Variants in ARHGAP23 observed in about 807,000 individuals in gnomAD.
ARHGAP23 encodes the protein Rho GTPase activating protein 23.
A neutral mutation model predicts 136.3 loss-of-function variants in ARHGAP23; 34 were observed. The observed-to-expected ratio is 0.25, with a 90% CI of 0.19 to 0.33. ARHGAP23 has a LOEUF of 0.33. ARHGAP23 is among the 10% of genes least tolerant of loss of function. The pLI is 1.00. For missense variants in ARHGAP23, 1,808 were observed against 2,139.0 expected (o/e 0.85, Z 3.05); for synonymous variants, 832 against 920.5 (o/e 0.90, Z 1.74).
In ARHGAP23 at chr17:38,466,548, TCA is replaced by T; in HGVS notation, c.869_870del (p.His290LeufsTer63). The part of the protein sequence containing the change: ...PSRLECQQAL[S>X]HWLSNQVPRR... ...CAGACTGGAGTGCCAGCAGGCCTTG[TCA>T]CACTGGCTGTCAAACCAGGTACCCC... On this transcript the variant is annotated frameshift_variant, in exon 7 of 24. Transcript: ENST00000622683. LOFTEE classifies it high-confidence loss of function. 1 of 1,477,966 alleles carries T rather than the reference TCA, an allele frequency of 6.8e-7. No homozygotes were observed. The highest frequency in any genetic ancestry group is 8.9e-7 in the Non-Finnish European group (1 of 1,121,036). The allele number at this position is 1,477,966 out of a possible 1,614,324, so 91.6% of individuals were successfully genotyped here. A position where few individuals can be genotyped will look rare whatever the true frequency, so the allele number is the denominator to read the frequency against.
intron 20 of ARHGAP23, among the ~76,000 whole-genome samples, chr17:38,494,869 A>G (rs556125172): frequency 6.6e-6 from 1 of 152,290 alleles, no homozygotes; most frequent in East Asian, 1.9e-4. Context: ...TCCTCTTGAG[A>G]GCCGTGGCCA....
upstream of ARHGAP23, among the ~76,000 whole-genome samples, chr17:38,427,794 G>A (rs1017114742): frequency 6.6e-6 from 1 of 152,180 alleles, no homozygotes; most frequent in African/African-American, 2.4e-5. Flanking sequence ...GGGATCCTGG[G>A]CTGAGACTCT....
chr17:38,491,669 G>A (rs1056909014), intron 20 of ARHGAP23, 137 bp downstream of exon 20: 19 of 1,123,356 alleles, frequency 1.7e-5, no homozygotes, highest in Non-Finnish European at 2.4e-5. Context: ...TGCTAGGGTG[G>A]TATATACTCC....
intron 1 of ARHGAP23, among the ~76,000 whole-genome samples, chr17:38,455,071 C>T (rs974276385): frequency 3.3e-5 from 5 of 152,154 alleles, no homozygotes; most frequent in African/African-American, 1.2e-4. Context: ...GAGCTGTGCA[C>T]CTTTCTAGTT....
At position 38,462,937 on chromosome 17, in the gene ARHGAP23, C is replaced by T; in HGVS notation, c.345C>T (p.Arg115=). The T allele has an allele frequency of 1.3e-6, 2 of 1,543,154 alleles. No homozygotes were observed. Among genetic ancestry groups the T allele is most frequent in the Admixed American group, 2.1e-5 (1 of 47,718 alleles). Residue 115 remains arginine, a synonymous_variant, in exon 4 of 24, where the codon CGC becomes CGT. Coordinates refer to ENST00000622683, the MANE Select transcript of ARHGAP23 (RefSeq NM_001199417.2). ...GCCCTGCCCATAGGGCGGGGCTTCG[C>T]ACAGGTGAGCTGGCCCAGTTACCTG... ...EDGPAHRAGL[R]TGDRLVKVNG... is the part of the protein sequence containing the mutation.
In ARHGAP23 at chr17:38,488,155, G is replaced by A. The variant is rs140517672; in HGVS notation, c.2987-1947G>A. ...ACTCCTGGTCTAAAGTGATCATCGC[G>A]CCTCGGCCTTTCAAAGTGCTGGGAT... On this transcript the variant is annotated intron_variant, in intron 17 of 23. Transcript: ENST00000622683. Among the ~76,000 whole-genome samples the A allele has an allele frequency of 7.3e-3, 1,113 of 152,210 alleles. 18 individuals carry two copies. Among genetic ancestry groups the A allele is most frequent in the African/African-American group, 0.025 (1,020 of 41,538 alleles).
chr17:38,491,625 G>T, intron 20 of ARHGAP23, 93 bp downstream of exon 20: 1 of 1,510,616 alleles, frequency 6.6e-7, no homozygotes, highest in South Asian at 1.2e-5. Flanking sequence ...GGCGGAGTGT[G>T]CCCCAGGAAG....
rs148277132 is a variant in ARHGAP23 at position 38,435,748 on chromosome 17, T to C, written c.63+7200T>C. On this transcript the variant is annotated intron_variant, in intron 1 of 23. Transcript: ENST00000622683. ...CGAGTAGTTGGGATTACAGGCGCCC[T>C]CTACCATGCCCGGCTAATTTTTTTG... Among the ~76,000 whole-genome samples, 443 of 152,252 alleles carry C rather than the reference T, an allele frequency of 2.9e-3. 2 individuals carry two copies. Among genetic ancestry groups the C allele is most frequent in the African/African-American group, 9.7e-3 (405 of 41,552 alleles).
At chr17:38,487,283 A>T (rs957081717) in intron 17 of ARHGAP23, among the ~76,000 whole-genome samples, 1 of 152,224 alleles carries the variant, frequency 6.6e-6, no homozygotes, top group Admixed American at 6.5e-5. Context: ...GTTTGAATAG[A>T]CTACAATTTC....
chr17:38,490,542 G>A lies in ARHGAP23; in HGVS notation c.3141G>A (p.Glu1047=), dbSNP rs781216480. 16 of 1,544,436 alleles carry A rather than the reference G, an allele frequency of 1.0e-5. No homozygotes were observed. The highest frequency in any genetic ancestry group is 2.3e-4 in the Middle Eastern group (1 of 4,376). The change falls in exon 19 of 24, where the codon GAG becomes GAA. Residue 1047 remains glutamate, a synonymous_variant. Coordinates refer to ENST00000622683, the MANE Select transcript of ARHGAP23 (RefSeq NM_001199417.2). The stretch of plus-strand genomic sequence containing the variant: ...TCAAGACCATCGCTGACCACTCTGA[G>A]AAAAACAAGGTGGGTAGGAGTCCCG... ...GHLKTIADHS[E]KNKMEPRNLA...
chr17:38,480,858 G>A (rs1056881778), intron 14 of ARHGAP23, among the ~76,000 whole-genome samples: 3 of 151,378 alleles, frequency 2.0e-5, no homozygotes, highest in African/African-American at 7.3e-5. Context: ...CAGCAGACAT[G>A]GTGGCTGACA....
chr17:38,461,136 C>T (rs942092493), intron 3 of ARHGAP23, among the ~76,000 whole-genome samples: 2 of 152,218 alleles, frequency 1.3e-5, no homozygotes, highest in South Asian at 2.1e-4. Context: ...CCTTTCTTTT[C>T]GCACATTTGT....
chr17:38,467,852 A>G (rs911524704), intron 7 of ARHGAP23, among the ~76,000 whole-genome samples: 1 of 150,838 alleles, frequency 6.6e-6, no homozygotes, highest in African/African-American at 2.4e-5. Flanking sequence ...TTCCCTTTGT[A>G]TCTTTCCCTC....
intron 20 of ARHGAP23, among the ~76,000 whole-genome samples, chr17:38,494,406 G>A (rs1438984931): frequency 2.0e-5 from 3 of 152,180 alleles, no homozygotes; most frequent in East Asian, 3.9e-4. Flanking sequence ...CTGGGAACAC[G>A]GAGGTGAATG....
At chr17:38,502,133 A>G (rs1269281316) in intron 23 of ARHGAP23, among the ~76,000 whole-genome samples, 2 of 152,122 alleles carry the variant, frequency 1.3e-5, no homozygotes, top group Non-Finnish European at 2.9e-5. Flanking sequence ...GTGAAACCCC[A>G]TCTCTACTAA....
Position 38,467,179 on chromosome 17 carries a change from G to A in ARHGAP23, c.1496G>A (p.Arg499His), listed in dbSNP as rs777595752. ...VVLRQKPPTG[R>H]KVQLTPARQM... ...CTGAGGCAGAAGCCCCCGACGGGCC[G>A]CAAGGTTCAGCTGACCCCCGCAAGA... The change falls in exon 7 of 24, where the codon CGC becomes CAC. Residue 499 changes from arginine to histidine, a missense_variant. Coordinates refer to ENST00000622683, the MANE Select transcript of ARHGAP23 (RefSeq NM_001199417.2). 4.3e-5 allele frequency: 66 copies of A among 1,549,832 alleles called. No individual in the cohort carries two copies. Among genetic ancestry groups the A allele is most frequent in the African/African-American group, 1.4e-4 (10 of 73,046 alleles).
intron 1 of ARHGAP23, among the ~76,000 whole-genome samples, chr17:38,457,175 A>G (rs1402452355): frequency 6.6e-6 from 1 of 152,150 alleles, no homozygotes; most frequent in Non-Finnish European, 1.5e-5. Context: ...AGGTAGAGAC[A>G]GGATTTTACC....
At chr17:38,447,335 G>C (rs551617794) in intron 1 of ARHGAP23, among the ~76,000 whole-genome samples, 14 of 150,194 alleles carry the variant, frequency 9.3e-5, no homozygotes, top group South Asian at 4.2e-4. Flanking sequence ...CCAGCTACTC[G>C]GGAGGCTGAG....
intron 1 of ARHGAP23, among the ~76,000 whole-genome samples, chr17:38,448,452 C>A (rs1250067842): frequency 1.3e-5 from 2 of 152,068 alleles, no homozygotes; most frequent in African/African-American, 4.8e-5. Flanking sequence ...CTCCCAACAA[C>A]CTTTGAGGTG....
Sources: allele counts gnomAD v4.1 joint callset (sites outside exome capture counted in the v4.1 genomes callset), GRCh38; gene constraint gnomAD v4.1.1; transcripts MANE v1.5; gene names NCBI Gene and HGNC (gene_info 2026-07-23, HGNC 2026-07-21).